The following CYP7B1 variants were observed in gnomAD, a reference collection of about 807,000 sequenced individuals.
The protein encoded by CYP7B1 is cytochrome P450 family 7 subfamily B member 1, also known as cytochrome P450 7B1.
A neutral mutation model predicts 42.7 loss-of-function variants in CYP7B1; 29 were observed. That is an observed-to-expected ratio of 0.68 (90% CI 0.51 to 0.93). The LOEUF (loss-of-function observed/expected upper bound fraction) is 0.93. Among genes scored for constraint, CYP7B1 ranks in the 40% least tolerant of loss-of-function variants. The pLI, the probability that CYP7B1 is intolerant of heterozygous loss-of-function variation, is 0.00. For missense variants in CYP7B1, 655 were observed against 600.5 expected (o/e 1.09, Z -0.95); for synonymous variants, 235 against 218.2 (o/e 1.08, Z -0.68).
At chr8:64,792,709 C>T (rs1220012073) in intron 1 of CYP7B1, among the ~76,000 whole-genome samples, 1 of 152,168 alleles carries the variant, frequency 6.6e-6, no homozygotes, top group Admixed American at 6.5e-5. Flanking sequence ...GAATTTTACC[C>T]CCAAGATGGA....
chr8:64,624,602 C>T (rs544767933), intron 1 of CYP7B1, 63 bp from the exon 2 acceptor site: 1 of 1,587,304 alleles, frequency 6.3e-7, no homozygotes, highest in East Asian at 2.2e-5. Context: ...TATTCGAATA[C>T]AGGTGGTTTA....
chr8:64,754,035 A>C (rs1445414894), intron 1 of CYP7B1, among the ~76,000 whole-genome samples: 4 of 151,998 alleles, frequency 2.6e-5, no homozygotes, highest in Admixed American at 1.3e-4. Flanking sequence ...GTGCTCGTAC[A>C]CAACCATGTC....
chr8:64,730,599 C>A (rs917309310), intron 1 of CYP7B1, among the ~76,000 whole-genome samples: 2 of 152,082 alleles, frequency 1.3e-5, no homozygotes, highest in African/African-American at 4.8e-5. Flanking sequence ...AGCTAAAGAT[C>A]TGGCAGTTAA....
chr8:64,638,318 T>C (rs966357965), intron 1 of CYP7B1, among the ~76,000 whole-genome samples: 1 of 152,164 alleles, frequency 6.6e-6, no homozygotes, highest in Non-Finnish European at 1.5e-5. Flanking sequence ...CCATGGTGGC[T>C]GGAAGGGAAT....
At chr8:64,638,383 T>C (rs1805805359) in intron 1 of CYP7B1, among the ~76,000 whole-genome samples, 2 of 152,182 alleles carry the variant, frequency 1.3e-5, no homozygotes, top group African/African-American at 4.8e-5. Flanking sequence ...ATTTTGTTTA[T>C]GTTAATTTTG....
At chr8:64,739,303 A>G (rs1807535493) in intron 1 of CYP7B1, among the ~76,000 whole-genome samples, 1 of 152,204 alleles carries the variant, frequency 6.6e-6, no homozygotes, top group Non-Finnish European at 1.5e-5. Flanking sequence ...CCTTACCACT[A>G]TATTAGCAGG....
intron 1 of CYP7B1, among the ~76,000 whole-genome samples, chr8:64,708,812 G>T (rs1415317639): frequency 6.6e-6 from 1 of 152,160 alleles, no homozygotes; most frequent in Non-Finnish European, 1.5e-5. Flanking sequence ...CAAAATCATA[G>T]TCAGAAATAT....
intron 1 of CYP7B1, among the ~76,000 whole-genome samples, chr8:64,747,414 A>T (rs909605984): frequency 6.6e-6 from 1 of 151,302 alleles, no homozygotes; most frequent in Non-Finnish European, 1.5e-5. Context: ...TAACTCCCCA[A>T]AAACTTAACT....
chr8:64,618,887 A>G (rs966304597), intron 2 of CYP7B1, among the ~76,000 whole-genome samples: 58 of 152,008 alleles, frequency 3.8e-4, no homozygotes, highest in African/African-American at 1.4e-3. Flanking sequence ...TAGGATCTGT[A>G]TTTTCTCTTT....
chr8:64,686,110 C>T (rs1209502340), intron 1 of CYP7B1, among the ~76,000 whole-genome samples: 3 of 102,956 alleles, frequency 2.9e-5, no homozygotes, highest in South Asian at 3.5e-4. Context: ...GTGGGGGGGT[C>T]AGCCCTCCGC....
chr8:64,612,188 C>A (rs1224052478), intron 4 of CYP7B1, among the ~76,000 whole-genome samples: 2 of 152,004 alleles, frequency 1.3e-5, no homozygotes, highest in African/African-American at 4.8e-5. Flanking sequence ...CCTACCTCCA[C>A]CCCAGATTTT....
intron 1 of CYP7B1, among the ~76,000 whole-genome samples, chr8:64,719,486 GACTT>G (rs1563403739): frequency 6.6e-6 from 1 of 152,132 alleles, no homozygotes; most frequent in Non-Finnish European, 1.5e-5. Context: ...TTGTCAAAGT[GACTT>G]AGTTTGTGTG....
In CYP7B1 at chr8:64,687,526, AGTGGATTTTATGATGT is replaced by A. The variant is rs1364126346; in HGVS notation, c.123-63003_123-62988del. Among the ~76,000 whole-genome samples, 8 of 152,330 alleles carry A rather than the reference AGTGGATTTTATGATGT, an allele frequency of 5.3e-5. No individual in the cohort carries two copies. The East Asian group carries it at 5.8e-4, about 11-fold the overall frequency. On this transcript the variant is annotated intron_variant, in intron 1 of 5. Coordinates refer to ENST00000310193, the MANE Select transcript of CYP7B1 (RefSeq NM_004820.5). ...CCTGATGAATTGTACACTTGGAAAT[AGTGGATTTTATGATGT>A]GTGGATTTTATGATGTGTGAATTAT...
chr8:64,658,779 T>C (rs938388166), intron 1 of CYP7B1, among the ~76,000 whole-genome samples: 38 of 152,204 alleles, frequency 2.5e-4, no homozygotes, highest in African/African-American at 7.0e-4. Context: ...TGGTCTCTTC[T>C]AGAATTCTAT....
intron 1 of CYP7B1, among the ~76,000 whole-genome samples, chr8:64,677,435 A>C (rs1806463412): frequency 8.9e-6 from 1 of 111,978 alleles, no homozygotes; most frequent in Non-Finnish European, 2.0e-5. Flanking sequence ...CATATTTAGG[A>C]GCCAAAAAAA....
Position 64,593,811 on chromosome 8 carries a change from T to A in CYP7B1, c.*2831A>T, listed in dbSNP as rs1171067389. On this transcript the variant is annotated 3_prime_UTR_variant, in exon 6 of 6. Transcript: ENST00000310193. ...ATCTAAAATGTTTGCTTCATACAGT[T>A]GAAGAAATGAAAAAGGATGTTGAGT... Among the ~76,000 whole-genome samples the A allele has an allele frequency of 6.6e-6, 1 of 151,958 alleles. No homozygotes were observed. The highest frequency in any genetic ancestry group is 1.5e-5 in the Non-Finnish European group (1 of 67,998).
intron 1 of CYP7B1, among the ~76,000 whole-genome samples, chr8:64,766,554 C>T (rs1807976212): frequency 6.6e-6 from 1 of 151,802 alleles, no homozygotes; most frequent in Non-Finnish European, 1.5e-5. Context: ...TCATGGCCTT[C>T]AGGCAAGTGG....
intron 1 of CYP7B1, among the ~76,000 whole-genome samples, chr8:64,669,070 A>G (rs986442893): frequency 6.6e-6 from 1 of 152,106 alleles, no homozygotes; most frequent in Admixed American, 6.6e-5. Context: ...ATGACAGATA[A>G]TGAGAAACCT....
At chr8:64,736,153 T>C (rs1301789517) in intron 1 of CYP7B1, among the ~76,000 whole-genome samples, 1 of 152,178 alleles carries the variant, frequency 6.6e-6, no homozygotes, top group African/African-American at 2.4e-5. Flanking sequence ...AACACACACC[T>C]TGAATGTGTC....
Sources: gnomAD v4.1 joint callset for allele counts (sites outside exome capture counted in the v4.1 genomes callset) on GRCh38, gnomAD v4.1.1 for gene constraint, MANE v1.5 for transcripts, NCBI Gene and HGNC (gene_info 2026-07-23, HGNC 2026-07-21) for gene names.